The following ASB7 variants were observed in gnomAD, a reference collection of about 807,000 sequenced individuals.
ASB7 encodes the protein ankyrin repeat and SOCS box containing 7.
ASB7 carries 4 observed loss-of-function variants against 32.5 expected under a neutral mutation model. That is an observed-to-expected ratio of 0.12 (90% CI 0.06 to 0.28). The LOEUF is 0.28. Ranked by LOEUF, ASB7 falls within the 10% of genes least tolerant of loss-of-function variation. The probability of loss-of-function intolerance (pLI) is 1.00; values close to 1 mark genes in which losing one functional copy is unlikely to be tolerated. For synonymous variants in ASB7, 172 were observed against 155.6 expected (o/e 1.11, Z -0.78); for missense variants, 181 against 407.1 (o/e 0.44, Z 4.78).
At chr15:100,607,753 T>C (rs2039659079) in intron 2 of ASB7, among the ~76,000 whole-genome samples, 1 of 152,238 alleles carries the variant, frequency 6.6e-6, no homozygotes, top group African/African-American at 2.4e-5. Flanking sequence ...CCACGTTAAG[T>C]GTCAAGCATT....
Position 100,602,739 on chromosome 15 carries a change from A to G in ASB7, c.-580A>G. 1 of 375,774 alleles carries G rather than the reference A, an allele frequency of 2.7e-6. No individual in the cohort carries two copies. The highest frequency in any genetic ancestry group is 4.7e-6 in the Non-Finnish European group (1 of 212,132). 23.3% of individuals were successfully genotyped at this position (375,774 alleles called of 1,614,324 possible). The stretch of plus-strand genomic sequence containing the variant: ...CCCGAGACCTCCTGGGTCCCTCCGT[A>G]GCTGGAAGCCTCCGGCCCGGAGCGC... On this transcript the variant is annotated 5_prime_UTR_variant, in exon 1 of 6. Transcript: ENST00000332783.
At chr15:100,648,034 G>A (rs1597014620) in intron 5 of ASB7, among the ~76,000 whole-genome samples, 1 of 152,204 alleles carries the variant, frequency 6.6e-6, no homozygotes, top group Non-Finnish European at 1.5e-5. Context: ...TTTGGTCTCA[G>A]TTGAAAGCCT....
intron 4 of ASB7, among the ~76,000 whole-genome samples, chr15:100,626,607 C>G (rs997927314): frequency 6.6e-6 from 1 of 152,104 alleles, no homozygotes; most frequent in Non-Finnish European, 1.5e-5. Context: ...TGAAAACACT[C>G]TGTCCCCCTC....
intron 2 of ASB7, among the ~76,000 whole-genome samples, chr15:100,606,038 A>G (rs1222191525): frequency 6.6e-6 from 1 of 152,182 alleles, no homozygotes; most frequent in Non-Finnish European, 1.5e-5. Flanking sequence ...CTAAAATAAC[A>G]CTTATACCTT....
At chr15:100,607,967 C>G (rs1449350949) in intron 2 of ASB7, among the ~76,000 whole-genome samples, 1 of 152,190 alleles carries the variant, frequency 6.6e-6, no homozygotes, top group Non-Finnish European at 1.5e-5. Flanking sequence ...TTCCAGCTGC[C>G]TCCATGGAAG....
chr15:100,628,178 A>G (rs57713141), intron 4 of ASB7, among the ~76,000 whole-genome samples: 2,379 of 152,332 alleles, frequency 0.016, 68 homozygotes, highest in African/African-American at 0.055. Flanking sequence ...TTAGAAATCT[A>G]CATGATATGG....
intron 5 of ASB7, among the ~76,000 whole-genome samples, chr15:100,634,124 C>G (rs947458093): frequency 7.9e-5 from 12 of 152,162 alleles, no homozygotes; most frequent in Non-Finnish European, 1.3e-4. Context: ...GTAAATAATA[C>G]CACCCATCCT....
chr15:100,620,469 A>C (rs1015305362), intron 4 of ASB7, among the ~76,000 whole-genome samples: 2 of 152,244 alleles, frequency 1.3e-5, no homozygotes, highest in Non-Finnish European at 1.5e-5. Flanking sequence ...ATGAAAACTT[A>C]GGGTTTTACT....
At chr15:100,609,861 T>C (rs1350587212) in intron 3 of ASB7, 33 bp downstream of exon 3, 1 of 152,240 alleles carries the variant, frequency 6.6e-6, no homozygotes, top group East Asian at 1.9e-4. Flanking sequence ...GTCATCTGTG[T>C]TGTTCCGGGG....
chr15:100,640,201 A>G (rs1415003252), intron 5 of ASB7, among the ~76,000 whole-genome samples: 1 of 152,014 alleles, frequency 6.6e-6, no homozygotes, highest in Non-Finnish European at 1.5e-5. Context: ...CTGGAATGCA[A>G]TGGTGTGATC....
chr15:100,626,984 T>C (rs918404975), intron 4 of ASB7, among the ~76,000 whole-genome samples: 2 of 152,186 alleles, frequency 1.3e-5, no homozygotes, highest in African/African-American at 4.8e-5. Flanking sequence ...TGATGGAATG[T>C]TCTATATTTT....
chr15:100,616,442 C>A (rs1237316776), intron 4 of ASB7, among the ~76,000 whole-genome samples: 1 of 152,014 alleles, frequency 6.6e-6, no homozygotes, highest in Non-Finnish European at 1.5e-5. Flanking sequence ...CATTATTTGC[C>A]TTTGTTTTCT....
At chr15:100,603,080 G>A in intron 1 of ASB7, 34 bp downstream of exon 1, 1 of 399,214 alleles carries the variant, frequency 2.5e-6, no homozygotes. Context: ...GGGGAAGAGT[G>A]CTGGCTGGGA....
At chr15:100,640,605 C>T (rs927029469) in intron 5 of ASB7, among the ~76,000 whole-genome samples, 3 of 152,176 alleles carry the variant, frequency 2.0e-5, no homozygotes, top group Non-Finnish European at 4.4e-5. Flanking sequence ...CCTCCACCTC[C>T]AATTTCTACC....
intron 2 of ASB7, among the ~76,000 whole-genome samples, chr15:100,604,626 T>C (rs935361317): frequency 2.0e-5 from 3 of 152,176 alleles, no homozygotes; most frequent in Admixed American, 6.5e-5. Context: ...ATGCATATTC[T>C]TGAGACATGG....
At chr15:100,640,568 A>G (rs12914253) in intron 5 of ASB7, among the ~76,000 whole-genome samples, 42,535 of 151,986 alleles carry the variant, frequency 0.28, 7,046 homozygotes, top group Non-Finnish European at 0.39. Context: ...AGAGGACGCA[A>G]ATCTTTCACT....
intron 5 of ASB7, among the ~76,000 whole-genome samples, chr15:100,644,861 G>C (rs1224014427): frequency 6.6e-6 from 1 of 152,168 alleles, no homozygotes; most frequent in Non-Finnish European, 1.5e-5. Context: ...ACAGATCCAT[G>C]TACAGACATC....
At chr15:100,606,611 ATATGGAAAT>A (rs2039647259) in intron 2 of ASB7, among the ~76,000 whole-genome samples, 1 of 152,028 alleles carries the variant, frequency 6.6e-6, no homozygotes, top group Non-Finnish European at 1.5e-5. Flanking sequence ...CTTGGCATCT[ATATGGAAAT>A]TAGATGGTAA....
chr15:100,606,862 A>T (rs1325744755), intron 2 of ASB7, among the ~76,000 whole-genome samples: 1 of 152,070 alleles, frequency 6.6e-6, no homozygotes, highest in Admixed American at 6.6e-5. Context: ...TAACTTACAA[A>T]ATTACCTCCT....
Sources: allele counts gnomAD v4.1 joint callset (sites outside exome capture counted in the v4.1 genomes callset), GRCh38; gene constraint gnomAD v4.1.1; transcripts MANE v1.5; gene names NCBI Gene and HGNC (gene_info 2026-07-23, HGNC 2026-07-21).